Variants in ARAP1 observed in about 807,000 individuals in gnomAD.
The protein encoded by ARAP1 is arf-GAP with Rho-GAP domain, ANK repeat and PH domain-containing protein 1.
ARAP1 carries 76 observed loss-of-function variants against 172.2 expected under a neutral mutation model. That is an observed-to-expected ratio of 0.44 (90% CI 0.37 to 0.53). The LOEUF (loss-of-function observed/expected upper bound fraction) is 0.53, where lower values mean the gene tolerates loss of function less well. Ranked by LOEUF, ARAP1 falls within the 20% of genes least tolerant of loss-of-function variation. ARAP1 has a pLI of 0.00. For synonymous variants in ARAP1, 804 were observed against 803.3 expected, an observed-to-expected ratio of 1.00 and a Z score of -0.01; for missense variants, 1,686 against 1,977.5, an observed-to-expected ratio of 0.85 and a Z score of 2.80.
intron 34 of ARAP1, 115 bp from the exon 35 acceptor site, chr11:72,685,796 C>A: frequency 6.8e-7 from 1 of 1,470,502 alleles, no homozygotes; most frequent in South Asian, 1.2e-5. Context: ...GGGAGCACTC[C>A]AATCAGCCAG....
At chr11:72,697,683 C>A in intron 19 of ARAP1, 34 bp from the exon 20 acceptor site, 6 of 1,612,640 alleles carry the variant, frequency 3.7e-6, no homozygotes, top group Non-Finnish European at 5.1e-6. Flanking sequence ...AGGCCCAGGT[C>A]TTGCTCCTGA....
chr11:72,703,156 G>A, intron 14 of ARAP1, 77 bp from the exon 15 acceptor site: 4 of 1,383,988 alleles, frequency 2.9e-6, no homozygotes, highest in Non-Finnish European at 3.8e-6. Context: ...GGGAGGAGAG[G>A]AAAGAAAAGG....
intron 3 of ARAP1, among the ~76,000 whole-genome samples, chr11:72,721,284 A>G (rs1857496459): frequency 6.6e-6 from 1 of 151,778 alleles, no homozygotes; most frequent in African/African-American, 2.4e-5. Context: ...CAGCCCCCAC[A>G]CTCCATAAGC....
intron 16 of ARAP1, chr11:72,700,579 C>T (rs1185389689): frequency 6.6e-6 from 1 of 152,296 alleles, no homozygotes; most frequent in South Asian, 2.1e-4. Context: ...CCACTGTGTG[C>T]TAGCCACTGT....
Position 72,695,271 on chromosome 11 carries a change from C to T in ARAP1, c.3576+116G>A, listed in dbSNP as rs917389161. ...AGCAGACCCCAGCACCAGCCAGATA[C>T]AGGTCCCAAACTGGTCCTCTCCTCG... On this transcript the variant is annotated intron_variant, in intron 26 of 34. Coordinates refer to ENST00000393609, the MANE Select transcript of ARAP1 (RefSeq NM_001040118.3). The surrounding 1 kb of genome is among the most constrained non-coding windows in gnomAD (Gnocchi z 4.4). 18 of 1,431,762 alleles carry T rather than the reference C, an allele frequency of 1.3e-5. No homozygotes were observed. The African/African-American group carries it at 2.4e-4, about 19-fold the overall frequency. The allele number at this position is 1,431,762 out of a possible 1,614,324, so 88.7% of individuals were successfully genotyped here. A position where few individuals can be genotyped will look rare whatever the true frequency, so the allele number is the denominator to read the frequency against.
At chr11:72,711,614 G>T in intron 7 of ARAP1, 115 bp from the exon 8 acceptor site, 1 of 831,494 alleles carries the variant, frequency 1.2e-6, no homozygotes, top group Non-Finnish European at 1.9e-6. Flanking sequence ...TTCTAGGGAG[G>T]AAGAATCCCA....
In ARAP1 at chr11:72,691,864, G is replaced by A. The variant is rs996464314; in HGVS notation, c.3987+889C>T. Among the ~76,000 whole-genome samples the A allele has an allele frequency of 3.9e-5, 6 of 152,066 alleles. No homozygotes were observed. The South Asian group carries it at 6.2e-4, about 16-fold the overall frequency. Reference sequence around the variant, plus strand: ...TTTCCATGGGTGGGGGGATGGTTTCGGGATAAAACTGTAAAACCTCAGATG... The same window carrying A: ...TTTCCATGGGTGGGGGGATGGTTTCAGGATAAAACTGTAAAACCTCAGATG... On this transcript the variant is annotated intron_variant, in intron 30 of 34. Coordinates refer to ENST00000393609, the MANE Select transcript of ARAP1 (RefSeq NM_001040118.3).
intron 3 of ARAP1, among the ~76,000 whole-genome samples, chr11:72,723,735 A>T (rs1243105744): frequency 1.3e-5 from 2 of 152,152 alleles, no homozygotes; most frequent in African/African-American, 2.4e-5. Context: ...TCACGTTGGC[A>T]ATCATTTACT....
intron 11 of ARAP1, chr11:72,708,489 G>C (rs1222827887): frequency 6.0e-6 from 1 of 165,310 alleles, no homozygotes; most frequent in Non-Finnish European, 1.4e-5. Context: ...GGCTGCAGCT[G>C]TGTGGTAGTT....
chr11:72,747,874 T>C (rs1253348258), intron 1 of ARAP1, among the ~76,000 whole-genome samples: 2 of 152,222 alleles, frequency 1.3e-5, no homozygotes, highest in Non-Finnish European at 2.9e-5. Context: ...TCACCAGCAA[T>C]GTCACCTGAC....
chr11:72,740,493 TAA>T (rs374606083), intron 1 of ARAP1, among the ~76,000 whole-genome samples: 11 of 152,340 alleles, frequency 7.2e-5, no homozygotes, highest in African/African-American at 2.4e-4. Flanking sequence ...AAACATGTTT[TAA>T]GTCATTACAA....
At chr11:72,707,514 GA>G in intron 11 of ARAP1, 140 bp from the exon 12 acceptor site, 4 of 737,592 alleles carry the variant, frequency 5.4e-6, no homozygotes, top group Non-Finnish European at 6.5e-6. Flanking sequence ...CTCTGGTAGG[GA>G]AGGTAGGTGT....
At chr11:72,707,829 G>GT (rs1216030707) in intron 11 of ARAP1, among the ~76,000 whole-genome samples, 1 of 152,064 alleles carries the variant, frequency 6.6e-6, no homozygotes. Context: ...AAGTCAAAGT[G>GT]TACCCTGAGG....
intron 1 of ARAP1, among the ~76,000 whole-genome samples, chr11:72,751,508 C>T (rs1858529801): frequency 1.3e-5 from 2 of 152,092 alleles, no homozygotes. Context: ...TGGGGACTCT[C>T]CGCGAACAGG....
In ARAP1 at chr11:72,694,939, A is replaced by C. The variant is rs199853378; in HGVS notation, c.3694+41T>G. On this transcript the variant is annotated intron_variant, in intron 27 of 34. Coordinates refer to ENST00000393609, the MANE Select transcript of ARAP1 (RefSeq NM_001040118.3). ...AGACTGGGGCTACAGCTGAGACAAG[A>C]CAAGCCATACCACACCCTGCACAAG... 1.8e-5 allele frequency: 29 copies of C among 1,573,578 alleles called. No homozygotes were observed. The South Asian group carries it at 2.5e-4, about 13-fold the overall frequency.
In ARAP1 at chr11:72,707,254, C is replaced by A; in HGVS notation, c.1644G>T (p.Arg548Ser). 6.2e-7 allele frequency: 1 copy of A among 1,612,656 alleles called. No individual in the cohort carries two copies. The highest frequency in any genetic ancestry group is 2.2e-5 in the East Asian group (1 of 44,844). The stretch of plus-strand genomic sequence containing the variant: ...GAGGAGCCCCGCAGTCAGCACAGAA[C>A]CTGTTGGGGGCTGCAGCCCAGATGC... The part of the protein sequence containing the change: ...AERIWAAAPN[R>S]FCADCGAPQP... The change falls in exon 12 of 35, where the codon AGG becomes AGT. Residue 548 changes from arginine (R) to serine (S), a missense_variant. This residue lies in a region of ARAP1 where 688 missense variants were observed against 856.9 expected (regional missense o/e 0.80). Transcript: ENST00000393609.
chr11:72,722,309 A>C, intron 3 of ARAP1: 1 of 985,552 alleles, frequency 1.0e-6, no homozygotes, highest in Non-Finnish European at 1.2e-6. Context: ...CACCTCCTGC[A>C]GCCGTGGCCA....
intron 1 of ARAP1, among the ~76,000 whole-genome samples, chr11:72,737,903 C>T (rs1280832250): frequency 6.6e-6 from 1 of 152,190 alleles, no homozygotes; most frequent in East Asian, 1.9e-4. Context: ...GGAGTACAGG[C>T]GTGAGCCACC....
Position 72,701,731 on chromosome 11 carries a change from GA to G in ARAP1, c.2219del (p.Val740AlafsTer5), listed in dbSNP as rs1265422030. 1 of 1,614,022 alleles carries G rather than the reference GA, an allele frequency of 6.2e-7. No homozygotes were observed. Among genetic ancestry groups the G allele is most frequent in the Non-Finnish European group, 8.5e-7 (1 of 1,179,924 alleles). On this transcript the variant is annotated frameshift_variant, in exon 16 of 35. Transcript: ENST00000393609. LOFTEE classifies it high-confidence loss of function. ...AGCCACTGTGGCTCACGGTCGGCAG[GA>G]CAACTGAGTAGTGCTTTTCCAGGGG... ...MKPLEKHYSV[V>X]LPTVSHSGFL...
Sources: gnomAD v4.1 joint callset for allele counts (sites outside exome capture counted in the v4.1 genomes callset) on GRCh38, gnomAD v4.1.1 for gene constraint, gnomAD v4.1.1 regional missense constraint, Gnocchi (gnomAD v3.1) non-coding constraint, MANE v1.5 for transcripts, NCBI Gene and HGNC (gene_info 2026-07-23, HGNC 2026-07-21) for gene names.